WDR25: variants seen among roughly 807,000 people sequenced by gnomAD.
The protein encoded by WDR25 is WD repeat domain 25.
A neutral mutation model predicts 47.7 loss-of-function variants in WDR25; 35 were observed. The ratio of observed to expected loss-of-function variants is 0.73; its 90% confidence interval spans 0.56 to 0.97. The LOEUF (loss-of-function observed/expected upper bound fraction) is 0.97. Ranked by LOEUF, WDR25 falls within the 50% of genes least tolerant of loss-of-function variation. The pLI is 0.00. For synonymous variants in WDR25, 248 were observed against 278.9 expected, an observed-to-expected ratio of 0.89 and a Z score of 1.10; for missense variants, 634 against 704.7, an observed-to-expected ratio of 0.90 and a Z score of 1.14.
chr14:100,462,969 G>T (rs1221909805), intron 2 of WDR25, among the ~76,000 whole-genome samples: 1 of 79,322 alleles, frequency 1.3e-5, no homozygotes, highest in Non-Finnish European at 2.1e-5. Flanking sequence ...TCTCCCCCTT[G>T]CTCCTTCCTT....
intron 2 of WDR25, among the ~76,000 whole-genome samples, chr14:100,383,871 C>T (rs1385813094): frequency 2.0e-5 from 3 of 152,210 alleles, no homozygotes; most frequent in Non-Finnish European, 2.9e-5. Context: ...CAGAAGAGGG[C>T]GCAGTGGGCC....
chr14:100,421,982 A>G (rs929991201), intron 2 of WDR25, among the ~76,000 whole-genome samples: 6 of 152,134 alleles, frequency 3.9e-5, no homozygotes, highest in African/African-American at 1.2e-4. Flanking sequence ...GGTTGTTTTT[A>G]CTTTTTGTCT....
chr14:100,462,609 C>T (rs908012217), intron 2 of WDR25, among the ~76,000 whole-genome samples: 4 of 152,180 alleles, frequency 2.6e-5, no homozygotes, highest in Admixed American at 1.3e-4. Flanking sequence ...GCTTGTCAGA[C>T]GATTTACAGA....
Position 100,523,735 on chromosome 14 carries a change from G to A in WDR25, c.1102-2135G>A, listed in dbSNP as rs1468516204. Among the ~76,000 whole-genome samples the A allele has an allele frequency of 6.6e-6, 1 of 152,124 alleles. No individual in the cohort carries two copies. The highest frequency in any genetic ancestry group is 1.9e-4 in the East Asian group (1 of 5,178). Reference sequence around the variant, plus strand: ...GATTGTAGGGACATAACCCCTGCATGTGTCATGATCGATCTTCTGCTTTCC... The same window carrying A: ...GATTGTAGGGACATAACCCCTGCATATGTCATGATCGATCTTCTGCTTTCC... On this transcript the variant is annotated intron_variant, in intron 4 of 6. Coordinates refer to ENST00000402312, the MANE Select transcript of WDR25 (RefSeq NM_001161476.3). The surrounding 1 kb of genome is among the most constrained non-coding windows in gnomAD (Gnocchi z 4.7).
rs764563919 is a variant in WDR25 at position 100,529,801 on chromosome 14, A to G, written c.1414-19A>G. ...CTTGACAGGTGCGGCTTGCTCACCC[A>G]CTGTGTCCCTCTCTGCAGGTGGAGG... On this transcript the variant is annotated intron_variant, in intron 6 of 6. Coordinates refer to ENST00000402312, the MANE Select transcript of WDR25 (RefSeq NM_001161476.3). The surrounding 1 kb of genome is among the most constrained non-coding windows in gnomAD (Gnocchi z 5.1). 1.2e-6 allele frequency: 2 copies of G among 1,607,822 alleles called. No individual in the cohort carries two copies. Among genetic ancestry groups the G allele is most frequent in the Non-Finnish European group, 8.5e-7 (1 of 1,178,062 alleles).
Position 100,425,983 on chromosome 14 carries a change from A to G in WDR25, c.823-42038A>G, listed in dbSNP as rs187433389. ...CCCCAAATGGGATTTGCATAAGCCC[A>G]AATGAGTGCAGGGTTATTCTCCGCA... On this transcript the variant is annotated intron_variant, in intron 2 of 6. Coordinates refer to ENST00000402312, the MANE Select transcript of WDR25 (RefSeq NM_001161476.3). This position sits in a 1 kb window ranked among gnomAD's most constrained non-coding sequence, Gnocchi z 4.8. Among the ~76,000 whole-genome samples the G allele has an allele frequency of 2.6e-5, 4 of 152,354 alleles. No individual in the cohort carries two copies. Among genetic ancestry groups the G allele is most frequent in the African/African-American group, 9.6e-5 (4 of 41,582 alleles).
Position 100,463,210 on chromosome 14 carries a change from G to A in WDR25, c.823-4811G>A, listed in dbSNP as rs111588888. Among the ~76,000 whole-genome samples the A allele has an allele frequency of 4.6e-3, 686 of 148,746 alleles. 2 individuals are homozygous for A. The highest frequency in any genetic ancestry group is 0.012 in the African/African-American group (489 of 40,180). On this transcript the variant is annotated intron_variant, in intron 2 of 6. Coordinates refer to ENST00000402312, the MANE Select transcript of WDR25 (RefSeq NM_001161476.3). The stretch of plus-strand genomic sequence containing the variant: ...TTTTCTTCTGCTCCTCCTCCTCTCC[G>A]TCTTGGTTAATTTAACTTTTTATTT...
chr14:100,505,699 CAT>C lies in WDR25; in HGVS notation c.1102-20169_1102-20168del, dbSNP rs528634880. Among the ~76,000 whole-genome samples, 58 of 152,298 alleles carry C rather than the reference CAT, an allele frequency of 3.8e-4. No individual in the cohort carries two copies. The East Asian group carries it at 0.01, about 27-fold the overall frequency. Reference sequence around the variant, plus strand: ...AATGTTGCATCTTCTTATCCATGAACATAGCACATCTCTTCATTTATTTAGCT... The same window carrying C: ...AATGTTGCATCTTCTTATCCATGAACAGCACATCTCTTCATTTATTTAGCT... On this transcript the variant is annotated intron_variant, in intron 4 of 6. Coordinates refer to ENST00000402312, the MANE Select transcript of WDR25 (RefSeq NM_001161476.3).
rs188996599 is a variant in WDR25 at position 100,397,746 on chromosome 14, G to A, written c.822+16000G>A. Among the ~76,000 whole-genome samples the A allele has an allele frequency of 2.0e-5, 3 of 152,224 alleles. No homozygotes were observed. In the East Asian group the frequency reaches 5.8e-4, roughly 29 times the overall value. On this transcript the variant is annotated intron_variant, in intron 2 of 6. Coordinates refer to ENST00000402312, the MANE Select transcript of WDR25 (RefSeq NM_001161476.3). Reference sequence around the variant, plus strand: ...ACAGAGTGTGCAAAGGCAGGGAGGTGTACAAGAGCATGCTGCCATCAGCAA... The same window carrying A: ...ACAGAGTGTGCAAAGGCAGGGAGGTATACAAGAGCATGCTGCCATCAGCAA...
Position 100,483,984 on chromosome 14 carries a change from T to C in WDR25, c.971-10T>C. The C allele has an allele frequency of 6.2e-7, 1 of 1,603,426 alleles. No individual in the cohort carries two copies. The highest frequency in any genetic ancestry group is 2.2e-5 in the East Asian group (1 of 44,744). On this transcript the variant is annotated splice_polypyrimidine_tract_variant and intron_variant, in intron 3 of 6. Transcript: ENST00000402312. ...ACTTTCTAACCCTCTCTTCTCTTTT[T>C]GTGTTGTAGGAACCCAGCTATTTAG...
chr14:100,489,987 T>G (rs550785060), intron 4 of WDR25, among the ~76,000 whole-genome samples: 2 of 152,324 alleles, frequency 1.3e-5, no homozygotes, highest in East Asian at 1.9e-4. Flanking sequence ...CCTACTTTTA[T>G]TATTATTTTT....
chr14:100,400,660 G>C (rs1468426755), intron 2 of WDR25, among the ~76,000 whole-genome samples: 1 of 152,164 alleles, frequency 6.6e-6, no homozygotes, highest in Non-Finnish European at 1.5e-5. Flanking sequence ...TTAATACAGG[G>C]CATGATAAAA....
intron 2 of WDR25, chr14:100,381,999 T>C: frequency 1.4e-6 from 1 of 694,122 alleles, no homozygotes; most frequent in Admixed American, 2.1e-5. Context: ...TCGGAGGCCG[T>C]GAGGGAGGAG....
At chr14:100,524,418 C>T (rs1164027065) in intron 4 of WDR25, among the ~76,000 whole-genome samples, 3 of 152,154 alleles carry the variant, frequency 2.0e-5, no homozygotes, top group Non-Finnish European at 2.9e-5. Context: ...CTGGTGGGGG[C>T]TGTGATATCA....
intron 3 of WDR25, chr14:100,480,864 A>G (rs967072623): frequency 2.3e-5 from 6 of 265,618 alleles, no homozygotes; most frequent in African/African-American, 1.4e-4. Context: ...ATGGTGGATA[A>G]AAGTGGAAAA....
chr14:100,413,118 C>T (rs928905907), intron 2 of WDR25, among the ~76,000 whole-genome samples: 1 of 152,198 alleles, frequency 6.6e-6, no homozygotes, highest in African/African-American at 2.4e-5. Flanking sequence ...GCATGAGTCA[C>T]CACAACTGGC....
chr14:100,477,223 A>T (rs968071125), intron 3 of WDR25, among the ~76,000 whole-genome samples: 1 of 152,368 alleles, frequency 6.6e-6, no homozygotes, highest in Admixed American at 6.5e-5. Context: ...AGCACTGGTC[A>T]TAGAGTCAGT....
At chr14:100,504,744 G>A (rs1399494183) in intron 4 of WDR25, 2 of 152,168 alleles carry the variant, frequency 1.3e-5, no homozygotes, top group Non-Finnish European at 2.9e-5. Context: ...AAATAACTGA[G>A]AGTGGAATTG....
chr14:100,376,518 C>T (rs1210342151), intron 1 of WDR25, 23 bp downstream of exon 1: 13 of 1,231,896 alleles, frequency 1.1e-5, no homozygotes, highest in Non-Finnish European at 1.3e-5. Context: ...AGCGGCGGGC[C>T]CCGGGCTGGA....
Sources: gnomAD v4.1 joint callset for allele counts (sites outside exome capture counted in the v4.1 genomes callset) on GRCh38, gnomAD v4.1.1 for gene constraint, Gnocchi (gnomAD v3.1) non-coding constraint, MANE v1.5 for transcripts, NCBI Gene and HGNC (gene_info 2026-07-23, HGNC 2026-07-21) for gene names.